The following DSE variants were observed in gnomAD, a reference collection of about 807,000 sequenced individuals.
DSE encodes dermatan-sulfate epimerase.
Under a neutral mutation model 84.4 loss-of-function variants are expected in DSE, and 36 were observed. The observed-to-expected ratio is 0.43, with a 90% CI of 0.33 to 0.56. DSE has a LOEUF of 0.56. Ranked by LOEUF, DSE falls within the 20% of genes least tolerant of loss-of-function variation. The pLI is 0.06. For synonymous variants in DSE, 410 were observed against 430.1 expected (o/e 0.95, Z 0.58); for missense variants, 862 against 1,169.6 (o/e 0.74, Z 3.84).
At chr6:116,297,366 C>A (rs990188297) in intron 2 of DSE, among the ~76,000 whole-genome samples, 4 of 152,116 alleles carry the variant, frequency 2.6e-5, no homozygotes, top group Non-Finnish European at 4.4e-5. Flanking sequence ...ACCTGCTCAT[C>A]CTCACACTTT....
intron 2 of DSE, among the ~76,000 whole-genome samples, chr6:116,282,355 C>T (rs1156361853): frequency 6.6e-6 from 1 of 151,962 alleles, no homozygotes; most frequent in Non-Finnish European, 1.5e-5. Context: ...CAATATGTCT[C>T]CTATTTTTTT....
chr6:116,409,518 A>G (rs1394319492), intron 2 of DSE, among the ~76,000 whole-genome samples: 1 of 152,082 alleles, frequency 6.6e-6, no homozygotes, highest in Middle Eastern at 3.2e-3. Context: ...TGACCTCATG[A>G]TCCGCCCACC....
intron 2 of DSE, among the ~76,000 whole-genome samples, chr6:116,338,923 A>G (rs1777425964): frequency 6.6e-6 from 1 of 152,212 alleles, no homozygotes; most frequent in Admixed American, 6.5e-5. Context: ...TGGAACTACA[A>G]GTTCCTCTAT....
At chr6:116,281,465 T>C (rs560505528) in intron 2 of DSE, among the ~76,000 whole-genome samples, 4 of 152,206 alleles carry the variant, frequency 2.6e-5, no homozygotes, top group Non-Finnish European at 5.9e-5. Flanking sequence ...GTGCCTCAAG[T>C]TGTTTCTAAT....
intron 1 of DSE, among the ~76,000 whole-genome samples, chr6:116,387,795 AT>A: frequency 6.6e-6 from 1 of 152,282 alleles, no homozygotes; most frequent in African/African-American, 2.4e-5. Context: ...AGCAGTAAAA[AT>A]TTTCTGGGAA....
intron 2 of DSE, among the ~76,000 whole-genome samples, chr6:116,364,405 C>T (rs1021360512): frequency 1.1e-4 from 17 of 152,186 alleles, no homozygotes; most frequent in African/African-American, 4.1e-4. Flanking sequence ...AGCAAACTGT[C>T]GACTATTTCC....
intron 2 of DSE, among the ~76,000 whole-genome samples, chr6:116,338,066 A>G (rs1220435352): frequency 1.3e-5 from 2 of 152,116 alleles, no homozygotes; most frequent in Non-Finnish European, 2.9e-5. Context: ...AATAAACTTC[A>G]TCAGTTCTTT....
chr6:116,399,824 C>G (rs1383661079), intron 2 of DSE, 158 bp downstream of exon 2: 1 of 661,290 alleles, frequency 1.5e-6, no homozygotes. Flanking sequence ...TATGAATGGC[C>G]CTTAGTTTCA....
At chr6:116,293,566 A>G (rs1774440016) in intron 2 of DSE, among the ~76,000 whole-genome samples, 1 of 152,234 alleles carries the variant, frequency 6.6e-6, no homozygotes, top group Non-Finnish European at 1.5e-5. Flanking sequence ...AACTTAATTT[A>G]CTGGGTTGTA....
At chr6:116,346,281 C>T (rs1777960665) in intron 2 of DSE, among the ~76,000 whole-genome samples, 1 of 152,176 alleles carries the variant, frequency 6.6e-6, no homozygotes, top group Non-Finnish European at 1.5e-5. Flanking sequence ...AGGCCAGCAT[C>T]ATCCTGATAC....
intron 2 of DSE, among the ~76,000 whole-genome samples, chr6:116,306,217 T>C (rs1486360395): frequency 6.6e-6 from 1 of 152,220 alleles, no homozygotes; most frequent in Non-Finnish European, 1.5e-5. Flanking sequence ...TTGCAACCTT[T>C]CTATAAGTTT....
chr6:116,276,929 T>C (rs1773169113), intron 2 of DSE: 1 of 152,242 alleles, frequency 6.6e-6, no homozygotes, highest in Admixed American at 6.5e-5. Flanking sequence ...TATTTTTCCA[T>C]GAAGGCAATT....
chr6:116,422,468 T>C (rs1011934518), intron 2 of DSE, among the ~76,000 whole-genome samples: 20 of 152,248 alleles, frequency 1.3e-4, no homozygotes, highest in African/African-American at 4.8e-4. Context: ...TTCTGTCATG[T>C]AAAAATGTTT....
chr6:116,322,288 G>A (rs959480277), intron 2 of DSE, among the ~76,000 whole-genome samples: 1 of 152,158 alleles, frequency 6.6e-6, no homozygotes, highest in African/African-American at 2.4e-5. Flanking sequence ...GCGCCGGGCT[G>A]TCTGCTTGTG....
chr6:116,321,364 G>A (rs1171558867), intron 2 of DSE, among the ~76,000 whole-genome samples: 1 of 502 alleles, frequency 2.0e-3, no homozygotes, highest in Non-Finnish European at 5.1e-3. Flanking sequence ...GTAGGGATGG[G>A]GGTCTTGCTA....
At chr6:116,363,817 T>C (rs1779030832) in intron 2 of DSE, among the ~76,000 whole-genome samples, 1 of 152,230 alleles carries the variant, frequency 6.6e-6, no homozygotes, top group Admixed American at 6.5e-5. Context: ...CAACCTTATT[T>C]CTTCTTAGGC....
intron 2 of DSE, among the ~76,000 whole-genome samples, chr6:116,270,007 G>C (rs998695151): frequency 2.0e-5 from 3 of 151,876 alleles, no homozygotes; most frequent in African/African-American, 4.9e-5. Context: ...ACAGTCTTCT[G>C]CTCTGATAGA....
At chr6:116,300,900 A>G (rs1261334391) in intron 2 of DSE, among the ~76,000 whole-genome samples, 1 of 152,206 alleles carries the variant, frequency 6.6e-6, no homozygotes, top group Non-Finnish European at 1.5e-5. Flanking sequence ...AGTCATTTAT[A>G]TATGATAACA....
At chr6:116,278,006 G>A (rs1051313585) in intron 2 of DSE, 2 of 157,244 alleles carry the variant, frequency 1.3e-5, no homozygotes, top group Admixed American at 1.2e-4. Flanking sequence ...GTGACTAGAG[G>A]TGAAGGAAGA....
Sources: allele counts gnomAD v4.1 joint callset (sites outside exome capture counted in the v4.1 genomes callset), GRCh38; gene constraint gnomAD v4.1.1; transcripts MANE v1.5; gene names NCBI Gene and HGNC (gene_info 2026-07-23, HGNC 2026-07-21).